The following PCDH7 variants were observed in gnomAD, a reference collection of about 807,000 sequenced individuals.
PCDH7 encodes the protein protocadherin 7, also known as protocadherin-7.
Under a neutral mutation model 58.9 loss-of-function variants are expected in PCDH7, and 17 were observed. The ratio of observed to expected loss-of-function variants is 0.29; its 90% confidence interval spans 0.20 to 0.43. PCDH7 has a LOEUF of 0.43. PCDH7 is among the 20% of genes least tolerant of loss of function. PCDH7 has a pLI of 1.00. For synonymous variants in PCDH7, 664 were observed against 616.4 expected (o/e 1.08, Z -1.14); for missense variants, 1,274 against 1,441.0 (o/e 0.88, Z 1.88).
At chr4:30,793,408 C>A (rs1178506477) in intron 1 of PCDH7, among the ~76,000 whole-genome samples, 1 of 152,028 alleles carries the variant, frequency 6.6e-6, no homozygotes, top group Non-Finnish European at 1.5e-5. Flanking sequence ...AAAGTTAAAA[C>A]AAAGTAATAC....
chr4:31,059,692 A>T (rs924976574), intron 3 of PCDH7, among the ~76,000 whole-genome samples: 4 of 151,914 alleles, frequency 2.6e-5, no homozygotes, highest in African/African-American at 7.2e-5. Context: ...AGGACAGTTG[A>T]GTCAGATATC....
Position 30,827,823 on chromosome 4 carries a change from G to T in PCDH7, c.71-92330G>T, listed in dbSNP as rs530894522. Reference sequence around the variant, plus strand: ...GATGTCAATTCTGGAAAACTTATTGGAAGACATGTTTAGGATCAAGTTGTT... The same window carrying T: ...GATGTCAATTCTGGAAAACTTATTGTAAGACATGTTTAGGATCAAGTTGTT... On this transcript the variant is annotated intron_variant, in intron 1 of 3. Transcript: ENST00000509759. Among the ~76,000 whole-genome samples the T allele has an allele frequency of 2.1e-3, 320 of 152,158 alleles. 1 individual carries two copies. The highest frequency in any genetic ancestry group is 7.3e-3 in the African/African-American group (305 of 41,526).
intron 3 of PCDH7, among the ~76,000 whole-genome samples, chr4:31,099,155 T>C (rs1039398778): frequency 1.5e-4 from 23 of 152,188 alleles, no homozygotes; most frequent in African/African-American, 5.6e-4. Context: ...TCATTTGCCA[T>C]GAATACAATC....
At chr4:31,145,282 AGAATAAAATTCAGTGTACT>A (rs1199540015), downstream of PCDH7, 3 of 152,122 alleles carry the variant, frequency 2.0e-5, no homozygotes, top group African/African-American at 7.2e-5. Flanking sequence ...TGGATGTGAA[AGAATAAAATTCAGTGTACT>A]GTAAGTATTC....
intron 1 of PCDH7, among the ~76,000 whole-genome samples, chr4:30,918,397 C>G (rs1228320713): frequency 6.6e-6 from 1 of 151,704 alleles, no homozygotes; most frequent in African/African-American, 2.4e-5. Context: ...AATGAGAGTA[C>G]AAATTGATTT....
Position 30,721,090 on chromosome 4 carries a change from G to A in PCDH7, c.-333G>A. 1 of 294,540 alleles carries A rather than the reference G, an allele frequency of 3.4e-6. No individual in the cohort carries two copies. The highest frequency in any genetic ancestry group is 6.3e-6 in the Non-Finnish European group (1 of 159,780). 18.2% of individuals were successfully genotyped at this position (294,540 alleles called of 1,614,324 possible). On this transcript the variant is annotated 5_prime_UTR_variant, in exon 1 of 2. Coordinates refer to ENST00000361762, the Ensembl canonical transcript of PCDH7. The surrounding 1 kb of genome is among the most constrained non-coding windows in gnomAD (Gnocchi z 6.7). ...GGGGATGACTCTGGGTTGGGGGAGC[G>A]CCGAACCCGCGGCGCGCAGTGTCCC...
intron 1 of PCDH7, among the ~76,000 whole-genome samples, chr4:30,741,223 T>G (rs1321835157): frequency 6.6e-6 from 1 of 152,088 alleles, no homozygotes; most frequent in Non-Finnish European, 1.5e-5. Flanking sequence ...ACTTATGCAT[T>G]TATAGAGTTT....
chr4:30,994,205 T>A (rs1424448214), intron 3 of PCDH7, among the ~76,000 whole-genome samples: 5 of 152,200 alleles, frequency 3.3e-5, no homozygotes, highest in Non-Finnish European at 5.9e-5. Context: ...AAGAATAAAT[T>A]ATGCATTTTT....
chr4:31,127,348 AC>A (rs1291545718), intron 3 of PCDH7, among the ~76,000 whole-genome samples: 2 of 152,238 alleles, frequency 1.3e-5, no homozygotes, highest in Non-Finnish European at 2.9e-5. Flanking sequence ...GACACGTTTA[AC>A]TAAAGAAGAA....
chr4:30,874,574 A>C (rs1736048118), intron 1 of PCDH7, among the ~76,000 whole-genome samples: 2 of 152,026 alleles, frequency 1.3e-5, no homozygotes, highest in South Asian at 4.2e-4. Flanking sequence ...TAGCCTTAGG[A>C]GATATACCTA....
At chr4:31,145,590 C>A (rs1377792041), downstream of PCDH7, 2 of 151,902 alleles carry the variant, frequency 1.3e-5, no homozygotes, top group African/African-American at 4.8e-5. Flanking sequence ...CTATTCCCAA[C>A]TTTTTTGATC....
At chr4:30,818,205 C>T (rs575514227) in intron 1 of PCDH7, among the ~76,000 whole-genome samples, 2 of 152,226 alleles carry the variant, frequency 1.3e-5, no homozygotes, top group African/African-American at 2.4e-5. Flanking sequence ...ACCCCAAACC[C>T]GATTCTTCTT....
intron 3 of PCDH7, among the ~76,000 whole-genome samples, chr4:31,080,674 T>C (rs1759427269): frequency 6.6e-6 from 1 of 152,216 alleles, no homozygotes; most frequent in Non-Finnish European, 1.5e-5. Context: ...TTTGTAGAGT[T>C]GAAGCCAGAG....
intron 1 of PCDH7, among the ~76,000 whole-genome samples, chr4:30,830,350 T>A (rs1729613704): frequency 6.6e-6 from 1 of 152,116 alleles, no homozygotes; most frequent in Non-Finnish European, 1.5e-5. Context: ...TAATTAGCAA[T>A]CAAAAGTACT....
At chr4:30,921,908 A>T (rs1743226591) in intron 2 of PCDH7, among the ~76,000 whole-genome samples, 2 of 152,006 alleles carry the variant, frequency 1.3e-5, no homozygotes, top group Non-Finnish European at 2.9e-5. Flanking sequence ...CAGCTTTATT[A>T]AAAAAGGACT....
intron 1 of PCDH7, chr4:30,786,715 T>C (rs531850633): frequency 1.6e-5 from 16 of 975,662 alleles, no homozygotes; most frequent in Admixed American, 6.2e-5. Context: ...TATATTTTTG[T>C]ATTTTTTATA....
At chr4:30,787,164 A>C (rs964846227) in intron 1 of PCDH7, among the ~76,000 whole-genome samples, 2 of 152,030 alleles carry the variant, frequency 1.3e-5, no homozygotes, top group African/African-American at 2.4e-5. Context: ...GACTCAAGCA[A>C]AGAGTGTGGA....
chr4:31,031,772 C>T (rs564824346), intron 3 of PCDH7, among the ~76,000 whole-genome samples: 1 of 152,164 alleles, frequency 6.6e-6, no homozygotes, highest in Admixed American at 6.6e-5. Context: ...ACAACTAACT[C>T]TTTAGAAGAA....
At chr4:30,776,307 C>T (rs1187290173) in intron 1 of PCDH7, 1 of 152,162 alleles carries the variant, frequency 6.6e-6, no homozygotes, top group Admixed American at 6.5e-5. Flanking sequence ...AAGACTCTGA[C>T]CTGCAAAGAA....
Sources: allele counts gnomAD v4.1 joint callset (sites outside exome capture counted in the v4.1 genomes callset), GRCh38; gene constraint gnomAD v4.1.1; non-coding constraint Gnocchi (gnomAD v3.1); transcripts MANE v1.5; gene names NCBI Gene and HGNC (gene_info 2026-07-23, HGNC 2026-07-21).